The following IDO2 variants were observed in gnomAD, a reference collection of about 807,000 sequenced individuals.
IDO2 encodes the protein indoleamine 2,3-dioxygenase 2, also known as indoleamine 2,3-dioxygenase-like 1 protein.
Under a neutral mutation model 45.1 loss-of-function variants are expected in IDO2, and 46 were observed. That is an observed-to-expected ratio of 1.02 (90% CI 0.80 to 1.30). IDO2 has a LOEUF of 1.30. Among genes scored for constraint, IDO2 ranks in the 50% most tolerant of loss-of-function variants. The probability of loss-of-function intolerance (pLI) is 0.00; values close to 1 mark genes in which losing one functional copy is unlikely to be tolerated. For synonymous variants in IDO2, 218 were observed against 184.9 expected (o/e 1.18, Z -1.45); for missense variants, 544 against 491.8 (o/e 1.11, Z -1.00).
At chr8:39,987,004 C>T (rs1808437224) in intron 6 of IDO2, 1 of 152,110 alleles carries the variant, frequency 6.6e-6, no homozygotes, top group African/African-American at 2.4e-5. Context: ...CATGCCCCGC[C>T]ATGCCCAGCT....
chr8:40,015,785 G>A (rs2955903), exon 11 of IDO2: 246,232 of 582,996 alleles, frequency 0.42, 54,280 homozygotes, highest in South Asian at 0.56. Context: ...GAGTTGATGT[G>A]GCCAAGCCTT....
intron 1 of IDO2, among the ~76,000 whole-genome samples, chr8:39,944,144 G>C (rs546449029): frequency 6.6e-6 from 1 of 152,270 alleles, no homozygotes; most frequent in African/African-American, 2.4e-5. Context: ...GATGTGTATG[G>C]ATACATAAGC....
intron 8 of IDO2, among the ~76,000 whole-genome samples, chr8:39,999,686 A>G (rs1802106143): frequency 6.6e-6 from 1 of 151,592 alleles, no homozygotes; most frequent in South Asian, 2.1e-4. Flanking sequence ...CTGGTCTCAA[A>G]CTCTTGACCT....
chr8:39,987,941 G>A, exon 7 of IDO2: 1 of 1,609,862 alleles, frequency 6.2e-7, no homozygotes, highest in Non-Finnish European at 8.5e-7. Flanking sequence ...GACTGCTTTG[G>A]TAGAGAAAGA....
intron 4 of IDO2, among the ~76,000 whole-genome samples, chr8:39,980,353 C>G (rs1404791341): frequency 6.6e-6 from 1 of 152,082 alleles, no homozygotes; most frequent in African/African-American, 2.4e-5. Context: ...GCCTTCTTTC[C>G]CCAGGGGACA....
chr8:39,989,742 G>A, exon 8 of IDO2: 2 of 1,597,234 alleles, frequency 1.3e-6, no homozygotes, highest in Non-Finnish European at 1.7e-6. Flanking sequence ...GGCCACGAAT[G>A]CTATCTTGCA....
chr8:39,949,295 AG>A, intron 2 of IDO2, 31 bp downstream of exon 2: 1 of 1,501,022 alleles, frequency 6.7e-7, no homozygotes, highest in Non-Finnish European at 9.0e-7. Context: ...AGGATAGGTC[AG>A]AATATGTTTC....
intron 4 of IDO2, among the ~76,000 whole-genome samples, chr8:39,980,799 G>A (rs1421281591): frequency 6.6e-6 from 1 of 152,138 alleles, no homozygotes; most frequent in Non-Finnish European, 1.5e-5. Flanking sequence ...GCCCAGGCTA[G>A]AGTGCAGTGG....
intron 2 of IDO2, among the ~76,000 whole-genome samples, chr8:39,950,685 T>G (rs1032162269): frequency 2.0e-5 from 3 of 152,224 alleles, no homozygotes; most frequent in Non-Finnish European, 4.4e-5. Context: ...CAGCTTCCAT[T>G]GGCTGGAATA....
chr8:39,941,485 T>A (rs1011236865), intron 1 of IDO2, among the ~76,000 whole-genome samples: 3 of 151,970 alleles, frequency 2.0e-5, no homozygotes, highest in Admixed American at 6.6e-5. Flanking sequence ...GCCAAGAAAA[T>A]TTGCACTTTA....
intron 6 of IDO2, chr8:39,985,864 T>G: frequency 4.7e-6 from 1 of 211,456 alleles, no homozygotes; most frequent in South Asian, 7.8e-5. Flanking sequence ...TGAGTCTTAG[T>G]CTGTTGCCCA....
intron 8 of IDO2, among the ~76,000 whole-genome samples, chr8:39,996,105 C>T (rs1260213497): frequency 6.7e-6 from 1 of 150,300 alleles, no homozygotes; most frequent in African/African-American, 2.4e-5. Context: ...AAAAGGCGCT[C>T]GTTACTTAGC....
intron 3 of IDO2, among the ~76,000 whole-genome samples, chr8:39,969,754 A>G (rs1808151874): frequency 6.6e-6 from 1 of 152,160 alleles, no homozygotes; most frequent in African/African-American, 2.4e-5. Context: ...GCACACCTGT[A>G]ATCCTAGCTA....
chr8:39,978,455 A>G (rs548207631), intron 3 of IDO2, among the ~76,000 whole-genome samples: 6 of 152,006 alleles, frequency 3.9e-5, no homozygotes, highest in Admixed American at 1.3e-4. Flanking sequence ...TTGTTTACCA[A>G]GTGTTGCTTT....
chr8:39,993,996 G>A (rs1447283745), intron 8 of IDO2, among the ~76,000 whole-genome samples: 2 of 151,964 alleles, frequency 1.3e-5, no homozygotes, highest in Non-Finnish European at 2.9e-5. Context: ...GACAGAGTGA[G>A]ACTCTGTCCC....
At chr8:39,963,400 T>A (rs1292835550) in intron 2 of IDO2, among the ~76,000 whole-genome samples, 1 of 152,230 alleles carries the variant, frequency 6.6e-6, no homozygotes, top group Non-Finnish European at 1.5e-5. Flanking sequence ...GACTAATGTG[T>A]TTTTCTCCCG....
At chr8:39,948,809 G>T (rs938715696) in intron 1 of IDO2, among the ~76,000 whole-genome samples, 1 of 152,136 alleles carries the variant, frequency 6.6e-6, no homozygotes, top group African/African-American at 2.4e-5. Context: ...TAGGGTACAG[G>T]TTTGATAAAC....
chr8:39,992,714 T>G (rs937112185), intron 8 of IDO2, among the ~76,000 whole-genome samples: 35 of 152,204 alleles, frequency 2.3e-4, no homozygotes, highest in Non-Finnish European at 4.7e-4. Flanking sequence ...TTGGCTGGAC[T>G]TTTTCCCTCT....
chr8:39,979,558 G>T (rs1034898869), intron 4 of IDO2, among the ~76,000 whole-genome samples: 2 of 152,108 alleles, frequency 1.3e-5, no homozygotes, highest in Admixed American at 6.6e-5. Context: ...TCACCATGTT[G>T]CCCAGGCTGG....
Sources: allele counts gnomAD v4.1 joint callset (sites outside exome capture counted in the v4.1 genomes callset), GRCh38; gene constraint gnomAD v4.1.1; transcripts MANE v1.5; gene names NCBI Gene and HGNC (gene_info 2026-07-23, HGNC 2026-07-21).